Variants in PKNOX2 observed in about 807,000 individuals in gnomAD.
The protein encoded by PKNOX2 is PBX/knotted 1 homeobox 2.
In PKNOX2, 14 loss-of-function variants were observed where a neutral mutation model predicts 53.1. That is an observed-to-expected ratio of 0.26 (90% CI 0.17 to 0.41). The LOEUF is 0.41. PKNOX2 is among the 10% of genes least tolerant of loss of function. PKNOX2 has a pLI of 1.00. For synonymous variants in PKNOX2, 257 were observed against 242.8 expected (o/e 1.06, Z -0.54); for missense variants, 496 against 602.8 (o/e 0.82, Z 1.85).
At chr11:125,376,240 A>G (rs182987211) in intron 5 of PKNOX2, among the ~76,000 whole-genome samples, 1 of 152,328 alleles carries the variant, frequency 6.6e-6, no homozygotes, top group African/African-American at 2.4e-5. Context: ...ATGCAGCTCC[A>G]ATTTAGCAAC....
At chr11:125,301,973 G>C (rs1028498308) in intron 2 of PKNOX2, among the ~76,000 whole-genome samples, 1 of 152,252 alleles carries the variant, frequency 6.6e-6, no homozygotes, top group Non-Finnish European at 1.5e-5. Context: ...GGAGATCCCA[G>C]TGTGTGTTAG....
At chr11:125,259,493 C>T (rs1033369547) in intron 2 of PKNOX2, among the ~76,000 whole-genome samples, 3 of 152,182 alleles carry the variant, frequency 2.0e-5, no homozygotes, top group Non-Finnish European at 2.9e-5. Flanking sequence ...TCATTAGGCA[C>T]CCTAAGTACC....
intron 3 of PKNOX2, among the ~76,000 whole-genome samples, chr11:125,350,725 C>CCGTCCT (rs1951254214): frequency 6.6e-6 from 1 of 152,180 alleles, no homozygotes; most frequent in Admixed American, 6.5e-5. Flanking sequence ...CGGGTCCAGG[C>CCGTCCT]CGTCCTCCGT....
intron 2 of PKNOX2, among the ~76,000 whole-genome samples, chr11:125,301,746 G>A (rs903782776): frequency 5.3e-5 from 8 of 151,996 alleles, no homozygotes; most frequent in African/African-American, 1.7e-4. Flanking sequence ...CACAAGGCAG[G>A]TGGTGCCAGG....
chr11:125,389,196 A>AAAACAAAC (rs71462898), intron 6 of PKNOX2, among the ~76,000 whole-genome samples: 35,365 of 151,412 alleles, frequency 0.23, 4,598 homozygotes, highest in African/African-American at 0.36. Flanking sequence ...CTCCATTTCA[A>AAAACAAAC]AAACAAACAA....
intron 3 of PKNOX2, among the ~76,000 whole-genome samples, chr11:125,345,474 C>A (rs970982929): frequency 7.2e-5 from 11 of 152,158 alleles, no homozygotes; most frequent in Non-Finnish European, 1.2e-4. Flanking sequence ...CTGGCAGACA[C>A]CCCGCCTCCA....
intron 10 of PKNOX2, among the ~76,000 whole-genome samples, chr11:125,421,730 A>G (rs1283436941): frequency 6.6e-6 from 1 of 152,220 alleles, no homozygotes; most frequent in Non-Finnish European, 1.5e-5. Flanking sequence ...CCGGCATGTC[A>G]CATTTTTTAT....
chr11:125,299,121 C>T (rs1475635595), intron 2 of PKNOX2, among the ~76,000 whole-genome samples: 1 of 152,106 alleles, frequency 6.6e-6, no homozygotes, highest in African/African-American at 2.4e-5. Flanking sequence ...CTGGCAAGAG[C>T]AGGAGCAAGA....
chr11:125,168,257 G>A (rs1258882802), intron 1 of PKNOX2, among the ~76,000 whole-genome samples: 1 of 152,230 alleles, frequency 6.6e-6, no homozygotes, highest in Non-Finnish European at 1.5e-5. Flanking sequence ...TGGCACAAAA[G>A]GTGAGATGAC....
chr11:125,328,356 AGTG>A (rs1949946045), intron 2 of PKNOX2, among the ~76,000 whole-genome samples: 1 of 143,030 alleles, frequency 7.0e-6, no homozygotes, highest in African/African-American at 2.9e-5. Context: ...AAAGAGAGAG[AGTG>A]AGTGAGAGAG....
chr11:125,196,186 G>A (rs1937662640), intron 1 of PKNOX2, among the ~76,000 whole-genome samples: 1 of 152,172 alleles, frequency 6.6e-6, no homozygotes, highest in South Asian at 2.1e-4. Flanking sequence ...TCCTGAGCCT[G>A]CAGGATTGTC....
intron 7 of PKNOX2, among the ~76,000 whole-genome samples, chr11:125,400,166 G>A (rs1290773444): frequency 1.3e-5 from 2 of 152,174 alleles, no homozygotes; most frequent in Non-Finnish European, 2.9e-5. Context: ...CGTGGTGGGT[G>A]TGGGGGAGGG....
chr11:125,260,221 T>G (rs1250429214), intron 2 of PKNOX2, among the ~76,000 whole-genome samples: 1 of 151,840 alleles, frequency 6.6e-6, no homozygotes, highest in African/African-American at 2.4e-5. Flanking sequence ...TTTTGTGAGA[T>G]GAAGTCTCGC....
intron 2 of PKNOX2, among the ~76,000 whole-genome samples, chr11:125,242,493 G>A (rs1017971708): frequency 6.6e-6 from 1 of 152,162 alleles, no homozygotes; most frequent in African/African-American, 2.4e-5. Flanking sequence ...TGCATGTGCT[G>A]GGGGCCTGAG....
chr11:125,260,961 T>C (rs1007034182), intron 2 of PKNOX2, among the ~76,000 whole-genome samples: 1 of 152,180 alleles, frequency 6.6e-6, no homozygotes, highest in Admixed American at 6.5e-5. Flanking sequence ...CTGTGTGGCC[T>C]CAGGTAAGCA....
At chr11:125,284,757 A>G (rs926433346) in intron 2 of PKNOX2, among the ~76,000 whole-genome samples, 3 of 152,066 alleles carry the variant, frequency 2.0e-5, no homozygotes, top group Non-Finnish European at 4.4e-5. Flanking sequence ...GGAAACCCAC[A>G]AGACCAGCCT....
At chr11:125,344,278 T>G (rs1426015691) in intron 3 of PKNOX2, among the ~76,000 whole-genome samples, 2 of 152,096 alleles carry the variant, frequency 1.3e-5, no homozygotes, top group East Asian at 3.9e-4. Flanking sequence ...GAACAAACAG[T>G]AAAATGGTCT....
intron 3 of PKNOX2, among the ~76,000 whole-genome samples, chr11:125,349,001 T>C (rs1055991240): frequency 2.0e-5 from 3 of 152,132 alleles, no homozygotes; most frequent in Admixed American, 2.0e-4. Context: ...CGGACGAGCA[T>C]CTGTGATCGA....
rs534448203 is a variant in PKNOX2 at position 125,315,303 on chromosome 11, GAAAAAAAAAAAA to G, written c.-129-16502_-129-16491del. 2.8e-4 allele frequency among the ~76,000 whole-genome samples: 22 copies of G among 79,456 alleles called. 1 individual carries two copies. Among genetic ancestry groups the G allele is most frequent in the African/African-American group, 7.8e-4 (20 of 25,688 alleles). The allele number at this position is 79,456 out of a possible 152,430, so 52.1% of individuals were successfully genotyped here. ...ATTCACTTTACTGTTTGTGAAGCAGGAAAAAAAAAAAAAAAAAAAAAAAAACACCTCTCTCTG... is the reference window on the plus strand; with the variant it reads ...ATTCACTTTACTGTTTGTGAAGCAGGAAAAAAAAAAAAACACCTCTCTCTG... On this transcript the variant is annotated intron_variant, in intron 2 of 12. Transcript: ENST00000298282.
Sources: gnomAD v4.1 joint callset for allele counts (sites outside exome capture counted in the v4.1 genomes callset) on GRCh38, gnomAD v4.1.1 for gene constraint, MANE v1.5 for transcripts, NCBI Gene and HGNC (gene_info 2026-07-23, HGNC 2026-07-21) for gene names.